CCSER1: variants seen among roughly 807,000 people sequenced by gnomAD.
The protein encoded by CCSER1 is coiled-coil serine rich protein 1.
In CCSER1, 41 loss-of-function variants were observed where a neutral mutation model predicts 82.0. The observed-to-expected ratio is 0.50, with a 90% CI of 0.39 to 0.65. CCSER1 has a LOEUF of 0.65. Ranked by LOEUF, CCSER1 falls within the 30% of genes least tolerant of loss-of-function variation. The pLI, the probability that CCSER1 is intolerant of heterozygous loss-of-function variation, is 0.00. For missense variants in CCSER1, 1,119 were observed against 1,064.2 expected, an observed-to-expected ratio of 1.05 and a Z score of -0.72; for synonymous variants, 414 against 383.9, an observed-to-expected ratio of 1.08 and a Z score of -0.92.
At chr4:90,616,722 C>T (rs1262618960) in intron 5 of CCSER1, among the ~76,000 whole-genome samples, 9 of 120,426 alleles carry the variant, frequency 7.5e-5, no homozygotes, top group African/African-American at 3.7e-4. Flanking sequence ...CACACACACA[C>T]ACACACACAC....
At chr4:90,342,170 A>G (rs1488886705) in intron 3 of CCSER1, among the ~76,000 whole-genome samples, 1 of 152,176 alleles carries the variant, frequency 6.6e-6, no homozygotes, top group Non-Finnish European at 1.5e-5. Flanking sequence ...GGGATATACA[A>G]AGAGAGAACA....
intron 5 of CCSER1, among the ~76,000 whole-genome samples, chr4:90,551,706 C>CTCTCTCTCTCTCTCTCTATATATATA: frequency 5.8e-5 from 6 of 104,234 alleles, no homozygotes; most frequent in African/African-American, 1.8e-4. Flanking sequence ...CTCTCTCTCT[C>CTCTCTCTCTCTCTCTCTATATATATA]TATATATATA....
chr4:90,528,308 T>C (rs1363245672), intron 5 of CCSER1, among the ~76,000 whole-genome samples: 1 of 152,172 alleles, frequency 6.6e-6, no homozygotes, highest in Non-Finnish European at 1.5e-5. Flanking sequence ...TTTTGAATTA[T>C]CATTTAACCT....
At chr4:91,475,933 T>C (rs1262917596) in intron 10 of CCSER1, among the ~76,000 whole-genome samples, 1 of 151,870 alleles carries the variant, frequency 6.6e-6, no homozygotes, top group Non-Finnish European at 1.5e-5. Context: ...TGTGACATAA[T>C]ATCCTCCAGT....
At chr4:91,110,442 C>T (rs1454873059) in intron 10 of CCSER1, among the ~76,000 whole-genome samples, 1 of 151,966 alleles carries the variant, frequency 6.6e-6, no homozygotes, top group African/African-American at 2.4e-5. Context: ...TCTGTTACTT[C>T]ACTTTGAATT....
chr4:91,167,086 A>G lies in CCSER1; in HGVS notation c.2217+81092A>G, dbSNP rs116052037. Among the ~76,000 whole-genome samples, 819 of 152,024 alleles carry G rather than the reference A, an allele frequency of 5.4e-3. 7 individuals are homozygous for G. The highest frequency in any genetic ancestry group is 0.019 in the African/African-American group (777 of 41,474). On this transcript the variant is annotated intron_variant, in intron 10 of 10. Coordinates refer to ENST00000509176, the MANE Select transcript of CCSER1 (RefSeq NM_001145065.2). ...GAAATACATATTGTCCCCTAAGTAA[A>G]TGTATTTTTGCCATTACTTTTAATT... is the stretch of plus-strand genomic sequence containing the variant.
intron 10 of CCSER1, among the ~76,000 whole-genome samples, chr4:91,465,268 C>T (rs1046066131): frequency 7.9e-5 from 12 of 151,998 alleles, no homozygotes; most frequent in African/African-American, 4.8e-5. Flanking sequence ...GGGTATATAA[C>T]GAAATGAAGT....
chr4:90,837,672 G>T (rs988474149), intron 8 of CCSER1, among the ~76,000 whole-genome samples: 1 of 152,130 alleles, frequency 6.6e-6, no homozygotes, highest in Non-Finnish European at 1.5e-5. Context: ...TAAGACATTG[G>T]AAGAGTTTAA....
At chr4:90,868,467 C>T (rs910144126) in intron 8 of CCSER1, among the ~76,000 whole-genome samples, 9 of 151,976 alleles carry the variant, frequency 5.9e-5, no homozygotes, top group African/African-American at 1.9e-4. Context: ...TCTTTACATG[C>T]CTGGCTAATT....
At chr4:91,181,168 C>T (rs1733995633) in intron 10 of CCSER1, among the ~76,000 whole-genome samples, 1 of 152,028 alleles carries the variant, frequency 6.6e-6, no homozygotes, top group Non-Finnish European at 1.5e-5. Context: ...AGTTTATGGC[C>T]AGATTTTGGG....
chr4:90,427,427 TTA>T (rs33941178), intron 4 of CCSER1, among the ~76,000 whole-genome samples: 2,685 of 151,496 alleles, frequency 0.018, 34 homozygotes, highest in African/African-American at 0.038. Flanking sequence ...AATCTTTTGT[TTA>T]TATGTTTTTA....
intron 9 of CCSER1, among the ~76,000 whole-genome samples, chr4:91,069,330 G>T (rs1363741684): frequency 1.3e-5 from 2 of 151,618 alleles, no homozygotes; most frequent in African/African-American, 4.8e-5. Context: ...GTTAGCGAGA[G>T]AAAAGAAACA....
chr4:90,460,007 C>T (rs62312946), intron 4 of CCSER1, among the ~76,000 whole-genome samples: 2 of 151,810 alleles, frequency 1.3e-5, no homozygotes. Flanking sequence ...AATTTCACAA[C>T]GAAATATTTG....
intron 7 of CCSER1, among the ~76,000 whole-genome samples, chr4:90,745,599 C>T (rs763180939): frequency 6.6e-6 from 1 of 151,536 alleles, no homozygotes; most frequent in Non-Finnish European, 1.5e-5. Flanking sequence ...ATTACTTTTC[C>T]CCCTCAGTGG....
At chr4:90,155,184 A>T (rs1387699065) in intron 1 of CCSER1, among the ~76,000 whole-genome samples, 1 of 152,148 alleles carries the variant, frequency 6.6e-6, no homozygotes, top group African/African-American at 2.4e-5. Flanking sequence ...GATTACATTT[A>T]TTGATTTGCG....
chr4:90,930,598 G>C (rs1021116526), intron 9 of CCSER1, among the ~76,000 whole-genome samples: 3 of 151,486 alleles, frequency 2.0e-5, no homozygotes, highest in African/African-American at 7.3e-5. Flanking sequence ...GGGAGACAGA[G>C]AGAGACTCTG....
chr4:90,312,456 TGTGGAATGTAGATTGTGTTGCGG>T (rs1483278087), intron 2 of CCSER1, among the ~76,000 whole-genome samples: 2 of 152,142 alleles, frequency 1.3e-5, no homozygotes, highest in African/African-American at 4.8e-5. Context: ...CTGGCTACTA[TGTGGAATGTAGATTGTGTTGCGG>T]GTGGAGAGGC....
intron 10 of CCSER1, among the ~76,000 whole-genome samples, chr4:91,474,471 C>A (rs1053301689): frequency 6.6e-6 from 1 of 151,130 alleles, no homozygotes; most frequent in South Asian, 2.1e-4. Context: ...CTTTTTAATT[C>A]AAATCATTCT....
intron 10 of CCSER1, among the ~76,000 whole-genome samples, chr4:91,514,150 T>C (rs1042126159): frequency 4.6e-5 from 7 of 152,194 alleles, no homozygotes; most frequent in Admixed American, 3.9e-4. Context: ...TTTTGGTATG[T>C]TGTATCTCTG....
Sources: gnomAD v4.1 joint callset for allele counts (sites outside exome capture counted in the v4.1 genomes callset) on GRCh38, gnomAD v4.1.1 for gene constraint, MANE v1.5 for transcripts, NCBI Gene and HGNC (gene_info 2026-07-23, HGNC 2026-07-21) for gene names.